Variants in STAB2 observed in about 807,000 individuals in gnomAD.
STAB2 encodes the protein stabilin-2.
In STAB2, 288 loss-of-function variants were observed where a neutral mutation model predicts 338.1. The observed-to-expected ratio is 0.85, with a 90% CI of 0.77 to 0.94. The LOEUF (loss-of-function observed/expected upper bound fraction) is 0.94, where lower values mean the gene tolerates loss of function less well. Ranked by LOEUF, STAB2 falls within the 40% of genes least tolerant of loss-of-function variation. The pLI is 0.00. For synonymous variants in STAB2, 1,202 were observed against 1,193.3 expected, an observed-to-expected ratio of 1.01 and a Z score of -0.15; for missense variants, 3,141 against 3,210.1, an observed-to-expected ratio of 0.98 and a Z score of 0.52.
intron 25 of STAB2, among the ~76,000 whole-genome samples, chr12:103,681,809 A>G (rs1261197530): frequency 1.3e-5 from 2 of 150,722 alleles, no homozygotes; most frequent in East Asian, 2.0e-4. Flanking sequence ...TTTAGTAGAG[A>G]CGGGGTTTCT....
rs1458286001 is a variant in STAB2, at chr12:103,761,368, T to C, written c.7317T>C (p.Ile2439=). 1 of 1,613,858 alleles carries C rather than the reference T, an allele frequency of 6.2e-7. No individual in the cohort carries two copies. The highest frequency in any genetic ancestry group is 8.5e-7 in the Non-Finnish European group (1 of 1,179,984). Residue 2439 remains isoleucine (I), a synonymous_variant, in exon 66 of 69, where the codon ATT becomes ATC. Transcript: ENST00000388887. ...ACATCTTTGCCTCCAATGGGATCAT[T>C]CATGTCATTTCCAGGCCTTTAAAAG... ...QWDIFASNGI[I]HVISRPLKAP...
intron 3 of STAB2, among the ~76,000 whole-genome samples, chr12:103,600,568 C>T (rs1956939055): frequency 6.6e-6 from 1 of 152,202 alleles, no homozygotes; most frequent in Admixed American, 6.5e-5. Flanking sequence ...CACCTGCAAA[C>T]ACTATCTCAT....
chr12:103,678,606 A>G (rs1322233802), intron 25 of STAB2, among the ~76,000 whole-genome samples: 3 of 152,144 alleles, frequency 2.0e-5, no homozygotes, highest in Non-Finnish European at 4.4e-5. Flanking sequence ...GGCTCACTGC[A>G]AGCTCTGCCT....
At chr12:103,737,537 G>T in intron 52 of STAB2, 97 bp from the exon 53 acceptor site, 10 of 1,360,658 alleles carry the variant, frequency 7.3e-6, no homozygotes, top group Non-Finnish European at 9.8e-6. Context: ...ATGTTACATG[G>T]CTGGGAAAGA....
At chr12:103,669,705 A>G in intron 21 of STAB2, 78 bp downstream of exon 21, 1 of 1,305,370 alleles carries the variant, frequency 7.7e-7, no homozygotes, top group Non-Finnish European at 1.1e-6. Flanking sequence ...ATGTGATATA[A>G]TGCCAGCTAC....
At chr12:103,696,981 G>A (rs957311892) in intron 33 of STAB2, among the ~76,000 whole-genome samples, 2 of 152,154 alleles carry the variant, frequency 1.3e-5, no homozygotes, top group East Asian at 1.9e-4. Flanking sequence ...GAAATGACAC[G>A]ATTGAACTGA....
intron 30 of STAB2, among the ~76,000 whole-genome samples, 189 bp from the exon 31 acceptor site, chr12:103,692,623 G>A (rs548571933): frequency 3.4e-4 from 44 of 130,640 alleles, no homozygotes; most frequent in Non-Finnish European, 5.8e-4. Context: ...GCGTGTGCAC[G>A]TGCACGTGTG....
At chr12:103,613,490 T>C (rs925777931) in intron 3 of STAB2, among the ~76,000 whole-genome samples, 1 of 152,168 alleles carries the variant, frequency 6.6e-6, no homozygotes. Flanking sequence ...CCAAGCCACG[T>C]GCGGGATATA....
intron 31 of STAB2, among the ~76,000 whole-genome samples, chr12:103,694,061 T>G (rs1478614385): frequency 6.6e-6 from 1 of 151,828 alleles, no homozygotes; most frequent in Non-Finnish European, 1.5e-5. Flanking sequence ...CTGCAGGCGC[T>G]CCCTAAGGAG....
intron 18 of STAB2, among the ~76,000 whole-genome samples, chr12:103,664,438 CT>C (rs1438263216): frequency 6.6e-6 from 1 of 152,236 alleles, no homozygotes; most frequent in Middle Eastern, 3.2e-3. Flanking sequence ...GCCACCGCCC[CT>C]GGCCAGTTCA....
chr12:103,683,151 C>T lies in STAB2; in HGVS notation c.2806-54C>T. On this transcript the variant is annotated intron_variant, in intron 25 of 68. Transcript: ENST00000388887. ...TTCTCAGTGCTGTGTGAGGGAAAGA[C>T]ATGGAAGGCACTTGCTTTCAATAAT... 2.7e-6 allele frequency: 4 copies of T among 1,503,794 alleles called. No individual in the cohort carries two copies. The South Asian group carries it at 3.5e-5, about 13-fold the overall frequency. 93.2% of individuals were successfully genotyped at this position (1,503,794 alleles called of 1,614,324 possible).
Position 103,753,356 on chromosome 12 carries a change from G to A in STAB2, c.6714+3G>A. ...ACCAGCTCTCCTATGCCCAGAAGGT[G>A]GGTCTTCAGTTAGCAGATTCTGTGC... On this transcript the variant is annotated splice_donor_region_variant and intron_variant, in intron 61 of 68. Coordinates refer to ENST00000388887, the MANE Select transcript of STAB2 (RefSeq NM_017564.10). 6.2e-7 allele frequency: 1 copy of A among 1,614,228 alleles called. No homozygotes were observed. The highest frequency in any genetic ancestry group is 8.5e-7 in the Non-Finnish European group (1 of 1,180,010).
At chr12:103,621,178 A>G (rs1957295711) in intron 4 of STAB2, among the ~76,000 whole-genome samples, 1 of 152,290 alleles carries the variant, frequency 6.6e-6, no homozygotes, top group African/African-American at 2.4e-5. Context: ...CATATATGTG[A>G]AAATACTTTA....
intron 31 of STAB2, among the ~76,000 whole-genome samples, chr12:103,693,604 C>T (rs1438321): frequency 0.065 from 9,797 of 151,752 alleles, 1,028 homozygotes; most frequent in African/African-American, 0.22. Context: ...TAGGGAAGGC[C>T]CTAAGGAAAA....
intron 60 of STAB2, 133 bp from the exon 61 acceptor site, chr12:103,753,087 G>A: frequency 2.9e-6 from 3 of 1,023,630 alleles, no homozygotes; most frequent in Non-Finnish European, 2.8e-6. Flanking sequence ...AACATAACTT[G>A]AAGGGAAAGT....
rs75433688 is a variant in STAB2 at position 103,670,719 on chromosome 12, C to A, written c.2283C>A (p.Asn761Lys). 2 of 1,613,958 alleles carry A rather than the reference C, an allele frequency of 1.2e-6. No homozygotes were observed. The highest frequency in any genetic ancestry group is 1.3e-5 in the African/African-American group (1 of 74,920). ...AGTGTGCAGATAGCCTCGGCGGCAA[C>A]GGGACATGCATTTGTGAGGAGGGCT... ...NGQCADSLGG[N>K]GTCICEEGFQ... The change falls in exon 22 of 69, where the codon AAC (asparagine) becomes AAA (lysine). Residue 761 changes from asparagine to lysine, a missense_variant. Transcript: ENST00000388887.
At chr12:103,599,454 C>A (rs968108977) in intron 3 of STAB2, among the ~76,000 whole-genome samples, 1 of 152,162 alleles carries the variant, frequency 6.6e-6, no homozygotes, top group African/African-American at 2.4e-5. Flanking sequence ...AGTAAGATTG[C>A]AGACTCCAGA....
chr12:103,739,551 G>A, intron 54 of STAB2, 83 bp downstream of exon 54: 1 of 874,446 alleles, frequency 1.1e-6, no homozygotes, highest in East Asian at 2.9e-5. Flanking sequence ...GTGTGTGTGT[G>A]TGTGTGTGTG....
At chr12:103,678,973 T>A (rs1186714869) in intron 25 of STAB2, among the ~76,000 whole-genome samples, 1 of 152,208 alleles carries the variant, frequency 6.6e-6, no homozygotes, top group East Asian at 1.9e-4. Flanking sequence ...GCTGGACACT[T>A]GTGCAGAGAC....
Sources: gnomAD v4.1 joint callset for allele counts (sites outside exome capture counted in the v4.1 genomes callset) on GRCh38, gnomAD v4.1.1 for gene constraint, MANE v1.5 for transcripts, NCBI Gene and HGNC (gene_info 2026-07-23, HGNC 2026-07-21) for gene names.